NXPH1: variants seen among roughly 807,000 people sequenced by gnomAD.
NXPH1 encodes neurexophilin 1.
NXPH1 carries 5 observed loss-of-function variants against 23.7 expected under a neutral mutation model. That is an observed-to-expected ratio of 0.21 (90% CI 0.11 to 0.44). The LOEUF is 0.44. NXPH1 is among the 20% of genes least tolerant of loss of function. The pLI is 0.99. For synonymous variants in NXPH1, 144 were observed against 122.2 expected (o/e 1.18, Z -1.18); for missense variants, 324 against 321.6 (o/e 1.01, Z -0.06).
intron 2 of NXPH1, among the ~76,000 whole-genome samples, chr7:8,444,840 C>T (rs1302315095): frequency 1.3e-5 from 2 of 152,342 alleles, no homozygotes; most frequent in South Asian, 2.1e-4. Flanking sequence ...TTAATGAGAA[C>T]AAAATTAAAA....
rs763137953 is a variant in NXPH1 at position 8,593,117 on chromosome 7, T to C, written c.54+157350T>C. On this transcript the variant is annotated intron_variant, in intron 2 of 2. Transcript: ENST00000405863. ...CCCAGAATGATTTCTTAATAGTTTCTGGTGTATAAATTTTAGTCCCTAAGC... is the reference window on the plus strand; with the variant it reads ...CCCAGAATGATTTCTTAATAGTTTCCGGTGTATAAATTTTAGTCCCTAAGC... Among the ~76,000 whole-genome samples, 28 of 151,970 alleles carry C rather than the reference T, an allele frequency of 1.8e-4. 1 individual carries two copies. Among genetic ancestry groups the C allele is most frequent in the African/African-American group, 6.5e-4 (27 of 41,412 alleles).
intron 2 of NXPH1, among the ~76,000 whole-genome samples, chr7:8,470,744 G>A (rs946898658): frequency 2.0e-5 from 3 of 152,134 alleles, no homozygotes; most frequent in Non-Finnish European, 4.4e-5. Flanking sequence ...TCTTTAAAAT[G>A]TCCTGTCAAC....
In NXPH1 at chr7:8,751,295, G is replaced by C; in HGVS notation, c.342G>C (p.Lys114Asn). Residue 114 changes from lysine to asparagine, a missense_variant, in exon 3 of 3, where the codon AAG becomes AAC. Physicochemically the swap from Lys to Asn is moderately conservative, Grantham distance 94 (BLOSUM62 0). Coordinates refer to ENST00000405863, the MANE Select transcript of NXPH1 (RefSeq NM_152745.3). The surrounding 1 kb of genome is among the most constrained non-coding windows in gnomAD (Gnocchi z 4.5). ...AKRRPIVKTG[K>N]FKKMFGWGDF... ...GAAGGCCCATTGTTAAAACGGGCAA[G>C]TTTAAGAAAATGTTTGGATGGGGCG... 6.2e-7 allele frequency: 1 copy of C among 1,613,946 alleles called. No individual in the cohort carries two copies. Among genetic ancestry groups the C allele is most frequent in the Non-Finnish European group, 8.5e-7 (1 of 1,179,854 alleles).
intron 2 of NXPH1, among the ~76,000 whole-genome samples, chr7:8,500,824 C>A (rs568279376): frequency 1.8e-4 from 27 of 152,148 alleles, no homozygotes; most frequent in African/African-American, 6.5e-4. Context: ...TGATGCAGGT[C>A]TTCTCAGTTG....
rs573820893 is a variant in NXPH1 at position 8,693,186 on chromosome 7, A to C, written c.55-57822A>C. ...AACAACCCCCGCCGCCAAAACAAAAACAAAAACAAAAAAAACAAACCTCAG... is the reference window on the plus strand; with the variant it reads ...AACAACCCCCGCCGCCAAAACAAAACCAAAAACAAAAAAAACAAACCTCAG... On this transcript the variant is annotated intron_variant, in intron 2 of 2. Coordinates refer to ENST00000405863, the MANE Select transcript of NXPH1 (RefSeq NM_152745.3). Among the ~76,000 whole-genome samples the C allele has an allele frequency of 2.4e-4, 37 of 152,292 alleles. 1 individual carries two copies. Among genetic ancestry groups the C allele is most frequent in the African/African-American group, 8.7e-4 (36 of 41,566 alleles).
rs199752146 is a variant in NXPH1 at position 8,651,920 on chromosome 7, GA to G, written c.55-99087del. On this transcript the variant is annotated intron_variant, in intron 2 of 2. Coordinates refer to ENST00000405863, the MANE Select transcript of NXPH1 (RefSeq NM_152745.3). Reference sequence around the variant, plus strand: ...CGAGAACAAGTATAATATTCTTTAAGATACTTTTTCCTACTTTGTCTTATTC... The same window carrying G: ...CGAGAACAAGTATAATATTCTTTAAGTACTTTTTCCTACTTTGTCTTATTC... Among the ~76,000 whole-genome samples, 83 of 152,216 alleles carry G rather than the reference GA, an allele frequency of 5.5e-4. 1 individual carries two copies. In the East Asian group the frequency reaches 0.014, roughly 25 times the overall value.
At chr7:8,539,701 A>G (rs1411417463) in intron 2 of NXPH1, among the ~76,000 whole-genome samples, 1 of 151,858 alleles carries the variant, frequency 6.6e-6, no homozygotes, top group Non-Finnish European at 1.5e-5. Flanking sequence ...TTATCAATGC[A>G]CATGTATTAA....
chr7:8,526,499 C>A (rs1049887433), intron 2 of NXPH1, among the ~76,000 whole-genome samples: 2 of 151,990 alleles, frequency 1.3e-5, no homozygotes, highest in Admixed American at 1.3e-4. Context: ...TTTGGAGAGG[C>A]CAGGGGTGGA....
At chr7:8,618,540 G>C (rs565847082) in intron 2 of NXPH1, among the ~76,000 whole-genome samples, 1 of 152,226 alleles carries the variant, frequency 6.6e-6, no homozygotes, top group African/African-American at 2.4e-5. Flanking sequence ...GCTTGTATTG[G>C]CAGAAAGAGG....
chr7:8,581,707 T>C (rs2128623775), intron 2 of NXPH1, among the ~76,000 whole-genome samples: 1 of 152,306 alleles, frequency 6.6e-6, no homozygotes, highest in Admixed American at 6.5e-5. Flanking sequence ...ACAGAGCTTT[T>C]ATAGTCCAGT....
intron 2 of NXPH1, among the ~76,000 whole-genome samples, chr7:8,646,152 GTC>G (rs1397447258): frequency 6.6e-6 from 1 of 152,046 alleles, no homozygotes; most frequent in Non-Finnish European, 1.5e-5. Context: ...CTTAAAATAT[GTC>G]TTTCAGCAAA....
intron 2 of NXPH1, among the ~76,000 whole-genome samples, chr7:8,650,174 T>G (rs114128964): frequency 1.7e-3 from 260 of 152,364 alleles, no homozygotes; most frequent in African/African-American, 5.9e-3. Flanking sequence ...CAGCGTCTTT[T>G]GTTCTTAAGG....
At chr7:8,637,218 A>C in intron 2 of NXPH1, among the ~76,000 whole-genome samples, 1 of 148,846 alleles carries the variant, frequency 6.7e-6, no homozygotes. Flanking sequence ...CACTGCTGGG[A>C]CTGACTCTTT....
At chr7:8,737,931 TG>T (rs1326734192) in intron 2 of NXPH1, among the ~76,000 whole-genome samples, 2 of 152,272 alleles carry the variant, frequency 1.3e-5, no homozygotes, top group African/African-American at 4.8e-5. Flanking sequence ...ATTCAGCTAC[TG>T]ATACTCGTGT....
intron 2 of NXPH1, among the ~76,000 whole-genome samples, chr7:8,532,599 T>C (rs1817965913): frequency 6.6e-6 from 1 of 151,980 alleles, no homozygotes; most frequent in African/African-American, 2.4e-5. Flanking sequence ...TGTAGACCAC[T>C]CAGGAGCAAA....
At chr7:8,715,161 A>G (rs1245875423) in intron 2 of NXPH1, among the ~76,000 whole-genome samples, 1 of 152,156 alleles carries the variant, frequency 6.6e-6, no homozygotes, top group African/African-American at 2.4e-5. Flanking sequence ...TGGCTGGTCC[A>G]AATGCCCCCT....
At chr7:8,439,129 A>G (rs1271136130) in intron 2 of NXPH1, among the ~76,000 whole-genome samples, 2 of 152,220 alleles carry the variant, frequency 1.3e-5, no homozygotes, top group Admixed American at 1.3e-4. Context: ...AAAATAATAA[A>G]AAAGTTTTGC....
intron 2 of NXPH1, among the ~76,000 whole-genome samples, chr7:8,574,261 T>A (rs1273430114): frequency 1.4e-5 from 2 of 147,616 alleles, no homozygotes; most frequent in African/African-American, 5.4e-5. Context: ...GGCAAAACTG[T>A]TTTTTTAAAT....
At chr7:8,691,040 G>A (rs1821213885) in intron 2 of NXPH1, among the ~76,000 whole-genome samples, 1 of 152,190 alleles carries the variant, frequency 6.6e-6, no homozygotes, top group African/African-American at 2.4e-5. Flanking sequence ...GAGTCTAACT[G>A]ATTGGGGTGA....
Sources: allele counts gnomAD v4.1 joint callset (sites outside exome capture counted in the v4.1 genomes callset), GRCh38; gene constraint gnomAD v4.1.1; non-coding constraint Gnocchi (gnomAD v3.1); transcripts MANE v1.5; gene names NCBI Gene and HGNC (gene_info 2026-07-23, HGNC 2026-07-21).